Variants in OR6J1 observed in about 807,000 individuals in gnomAD.
The protein encoded by OR6J1 is olfactory receptor family 6 subfamily J member 1, also known as olfactory receptor 6J1.
For synonymous variants in OR6J1, 109 were observed against 70.0 expected (o/e 1.56, Z -2.78); for missense variants, 304 against 166.8 (o/e 1.82, Z -4.53).
At chr14:22,641,994 G>C (rs549213048) in intron 1 of OR6J1, among the ~76,000 whole-genome samples, 1 of 152,132 alleles carries the variant, frequency 6.6e-6, no homozygotes, top group South Asian at 2.1e-4. Flanking sequence ...GGAAAAACAA[G>C]AATAATCTAG....
intron 1 of OR6J1, among the ~76,000 whole-genome samples, chr14:22,638,604 A>G (rs1594902818): frequency 4.0e-5 from 3 of 75,618 alleles, no homozygotes. Flanking sequence ...TTGTCCTATG[A>G]CCCTGCCAAA....
chr14:22,640,755 A>G (rs1240603179), intron 1 of OR6J1, among the ~76,000 whole-genome samples: 1 of 151,500 alleles, frequency 6.6e-6, no homozygotes, highest in African/African-American at 2.4e-5. Context: ...TCCTGGGCTC[A>G]AGCGATTCTC....
At chr14:22,643,371 C>T (rs1388004973) in intron 1 of OR6J1, among the ~76,000 whole-genome samples, 1 of 151,990 alleles carries the variant, frequency 6.6e-6, no homozygotes, top group Non-Finnish European at 1.5e-5. Context: ...TCATAACTCA[C>T]TACATCCTCG....
intron 1 of OR6J1, 92 bp downstream of exon 1, chr14:22,644,006 C>T (rs1011332860): frequency 6.6e-6 from 1 of 152,220 alleles, no homozygotes; most frequent in Non-Finnish European, 1.5e-5. Flanking sequence ...TATTAAGAAG[C>T]TTAATGAAGG....
chr14:22,643,760 CACACAGAGAGAGAG>C (rs1278320111), intron 1 of OR6J1, among the ~76,000 whole-genome samples: 645 of 62,836 alleles, frequency 0.01, 9 homozygotes, highest in African/African-American at 0.039. Flanking sequence ...CACACACACA[CACACAGAGAGAGAG>C]AGAGAGAGAG....
intron 1 of OR6J1, among the ~76,000 whole-genome samples, chr14:22,636,249 TCC>T (rs2037583547): frequency 0.015 from 1 of 68 alleles, no homozygotes; most frequent in Non-Finnish European, 0.019. Flanking sequence ...CCTCTCCCTC[TCC>T]CTCTCCCTCT....
Position 22,630,955 on chromosome 14 carries a change from G to T in OR6J1, c.*2813C>A, listed in dbSNP as rs1004217198. ...AAATTTTAAAGCTGGGCAGCCGGGG[G>T]AGACATCACATGTCACTAGGTTCCA... On this transcript the variant is annotated 3_prime_UTR_variant, in exon 2 of 2. Transcript: ENST00000540461. 2 of 152,102 alleles carry T rather than the reference G, an allele frequency of 1.3e-5. No individual in the cohort carries two copies. Among genetic ancestry groups the T allele is most frequent in the Admixed American group, 6.5e-5 (1 of 15,286 alleles). The allele number at this position is 152,102 out of a possible 1,614,324, so 9.4% of individuals were successfully genotyped here.
intron 1 of OR6J1, among the ~76,000 whole-genome samples, chr14:22,637,846 T>C (rs1157280165): frequency 4.0e-5 from 1 of 24,760 alleles, no homozygotes; most frequent in Non-Finnish European, 7.0e-5. Flanking sequence ...AGCCGCCCCG[T>C]CCGGGAGGGA....
rs1457341102 is a variant in OR6J1, at chr14:22,640,483, G to GTTT, written c.-28+3614_-28+3615insAAA. ...CTTCAGCTCAACCAACAGTGAGAATGTATTTTTTTTTTTTTTTTTTTTTTG... is the reference window on the plus strand; with the variant it reads ...CTTCAGCTCAACCAACAGTGAGAATGTTTTATTTTTTTTTTTTTTTTTTTTTTG... On this transcript the variant is annotated intron_variant, in intron 1 of 1. Coordinates refer to ENST00000540461, the MANE Select transcript of OR6J1 (RefSeq NM_001348233.2). 5.0e-4 allele frequency among the ~76,000 whole-genome samples: 66 copies of GTTT among 132,690 alleles called. 3 individuals carry two copies. Among genetic ancestry groups the GTTT allele is most frequent in the African/African-American group, 1.1e-3 (37 of 32,784 alleles). 87.0% of individuals were successfully genotyped at this position (132,690 alleles called of 152,430 possible).
chr14:22,637,089 C>T (rs2037594154), intron 1 of OR6J1, among the ~76,000 whole-genome samples: 1 of 119,724 alleles, frequency 8.4e-6, no homozygotes, highest in Non-Finnish European at 1.6e-5. Context: ...GTGAGGAGCG[C>T]CTCTGCTGGC....
At position 22,637,859 on chromosome 14, in the gene OR6J1, CG is replaced by C. The variant is rs1217325302; in HGVS notation, c.-27-3022del. Among the ~76,000 whole-genome samples, 2 of 12,992 alleles carry C rather than the reference CG, an allele frequency of 1.5e-4. 1 individual carries two copies. Among genetic ancestry groups the C allele is most frequent in the African/African-American group, 1.2e-3 (2 of 1,658 alleles). 8.5% of individuals were successfully genotyped at this position (12,992 alleles called of 152,430 possible). On this transcript the variant is annotated intron_variant, in intron 1 of 1. Coordinates refer to ENST00000540461, the MANE Select transcript of OR6J1 (RefSeq NM_001348233.2). The stretch of plus-strand genomic sequence containing the variant: ...CCAGCCGCCCCGTCCGGGAGGGAGG[CG>C]GGGGGGGTGGGGTCGGCCAGCCGCC...
Position 22,637,173 on chromosome 14 carries a change from T to C in OR6J1, c.-27-2335A>G, listed in dbSNP as rs1311425166. 1.8e-4 allele frequency among the ~76,000 whole-genome samples: 19 copies of C among 105,636 alleles called. No homozygotes were observed. The South Asian group carries it at 4.8e-3, about 27-fold the overall frequency. The allele number at this position is 105,636 out of a possible 152,430, so 69.3% of individuals were successfully genotyped here. A position where few individuals can be genotyped will look rare whatever the true frequency, so the allele number is the denominator to read the frequency against. On this transcript the variant is annotated intron_variant, in intron 1 of 1. Coordinates refer to ENST00000540461, the MANE Select transcript of OR6J1 (RefSeq NM_001348233.2). ...CTGAGAAGTGAGGAAACCCTCTGCC[T>C]GGCAACCGCCCCGTCTGAGAAGTGA...
In OR6J1 at chr14:22,633,550, A is replaced by G; in HGVS notation, c.*218T>C. ...TGGCCCTTCCATTCTTACAATATTC[A>G]GTGTGGATGGGGCTTAGAGATCATC... On this transcript the variant is annotated 3_prime_UTR_variant, in exon 2 of 2. Coordinates refer to ENST00000540461, the MANE Select transcript of OR6J1 (RefSeq NM_001348233.2). The G allele has an allele frequency of 1.9e-6, 1 of 516,784 alleles. No homozygotes were observed. The highest frequency in any genetic ancestry group is 3.4e-6 in the Non-Finnish European group (1 of 294,860). 32.0% of individuals were successfully genotyped at this position (516,784 alleles called of 1,614,324 possible).
rs1194833147 is a variant in OR6J1 at position 22,637,050 on chromosome 14, C to G, written c.-27-2212G>C. ...CCGCCCATGTCTGAGATGTGGGGAG[C>G]ACCTCTGCCCCGCCGCCCTGTCTGG... On this transcript the variant is annotated intron_variant, in intron 1 of 1. Coordinates refer to ENST00000540461, the MANE Select transcript of OR6J1 (RefSeq NM_001348233.2). Among the ~76,000 whole-genome samples, 5 of 121,968 alleles carry G rather than the reference C, an allele frequency of 4.1e-5. No homozygotes were observed. In the South Asian group the frequency reaches 1.2e-3, roughly 28 times the overall value. The allele number at this position is 121,968 out of a possible 152,430, so 80.0% of individuals were successfully genotyped here. A position where few individuals can be genotyped will look rare whatever the true frequency, so the allele number is the denominator to read the frequency against.
intron 1 of OR6J1, among the ~76,000 whole-genome samples, chr14:22,636,224 C>A (rs1486089629): frequency 9.1e-6 from 1 of 109,536 alleles, no homozygotes; most frequent in Non-Finnish European, 1.8e-5. Context: ...AAGACACTAG[C>A]GCCCTCTCCC....
intron 1 of OR6J1, among the ~76,000 whole-genome samples, chr14:22,643,752 C>CAGAGAGAG (rs1270936188): frequency 7.9e-4 from 85 of 107,210 alleles, no homozygotes; most frequent in African/African-American, 2.9e-3. Flanking sequence ...CACACACACA[C>CAGAGAGAG]ACACACACAC....
Position 22,634,011 on chromosome 14 carries a change from C to T in OR6J1, c.801G>A (p.Leu267=), listed in dbSNP as rs943773468. Residue 267 remains leucine (L), a synonymous_variant, in exon 2 of 2, where the codon CTG becomes CTA. Coordinates refer to ENST00000540461, the MANE Select transcript of OR6J1 (RefSeq NM_001348233.2). Reference sequence around the variant, plus strand: ...GAACCAAAGGGATCTTGTTGATCTCCAGATATTCTTTCTGGGAGGGAGTCA... The same window carrying T: ...GAACCAAAGGGATCTTGTTGATCTCTAGATATTCTTTCTGGGAGGGAGTCA... ...IYVTPSQKEY[L]EINKIPLVLS... is the part of the protein sequence containing the mutation. The T allele has an allele frequency of 2.4e-5, 17 of 702,716 alleles. No individual in the cohort carries two copies. Among genetic ancestry groups the T allele is most frequent in the Non-Finnish European group, 4.4e-5 (17 of 384,848 alleles). The allele number at this position is 702,716 out of a possible 1,614,324, so 43.5% of individuals were successfully genotyped here.
At chr14:22,635,746 A>T (rs1474080835) in intron 1 of OR6J1, among the ~76,000 whole-genome samples, 1 of 152,170 alleles carries the variant, frequency 6.6e-6, no homozygotes, top group African/African-American at 2.4e-5. Context: ...TCCATAGGGG[A>T]AAAAGTAAAA....
chr14:22,635,306 C>T (rs529663801), intron 1 of OR6J1, among the ~76,000 whole-genome samples: 1 of 152,174 alleles, frequency 6.6e-6, no homozygotes, highest in South Asian at 2.1e-4. Flanking sequence ...AGAAATAACA[C>T]ATTATGTAGC....
Sources: allele counts gnomAD v4.1 joint callset (sites outside exome capture counted in the v4.1 genomes callset), GRCh38; gene constraint gnomAD v4.1.1; transcripts MANE v1.5; gene names NCBI Gene and HGNC (gene_info 2026-07-23, HGNC 2026-07-21).